The following NLRP9 variants were observed in gnomAD, a reference collection of about 807,000 sequenced individuals.
NLRP9 encodes NACHT, LRR and PYD domains-containing protein 9.
Under a neutral mutation model 83.1 loss-of-function variants are expected in NLRP9, and 88 were observed. That is an observed-to-expected ratio of 1.06 (90% confidence interval 0.89 to 1.26). NLRP9 has a LOEUF of 1.26. Among genes scored for constraint, NLRP9 ranks in the 50% most tolerant of loss-of-function variants. The pLI is 0.00. For missense variants in NLRP9, 1,308 were observed against 1,179.3 expected (o/e 1.11, Z -1.60); for synonymous variants, 521 against 447.6 (o/e 1.16, Z -2.07).
At chr19:55,730,202 C>T (rs932584593) in intron 2 of NLRP9, among the ~76,000 whole-genome samples, 3 of 152,278 alleles carry the variant, frequency 2.0e-5, no homozygotes, top group African/African-American at 7.2e-5. Context: ...GCCTGTAATT[C>T]CAGCACTTTG....
chr19:55,719,383 GC>G (rs1377042531), intron 4 of NLRP9, among the ~76,000 whole-genome samples: 2 of 152,108 alleles, frequency 1.3e-5, no homozygotes, highest in African/African-American at 4.8e-5. Context: ...GAACTCCTGA[GC>G]TCAAGTGATC....
intron 4 of NLRP9, among the ~76,000 whole-genome samples, chr19:55,720,326 CAAT>C (rs1269432097): frequency 6.6e-6 from 1 of 152,028 alleles, no homozygotes; most frequent in African/African-American, 2.4e-5. Flanking sequence ...GGCTTGGAAA[CAAT>C]TATTTTCTTT....
intron 4 of NLRP9, among the ~76,000 whole-genome samples, 198 bp from the exon 5 acceptor site, chr19:55,717,096 C>T (rs911570007): frequency 1.4e-5 from 2 of 145,510 alleles, no homozygotes; most frequent in Non-Finnish European, 3.0e-5. Context: ...TGCAGTGGTG[C>T]GATCTCGGCT....
chr19:55,732,947 A>G lies in NLRP9; in HGVS notation c.884T>C (p.Leu295Pro). The G allele has an allele frequency of 6.2e-7, 1 of 1,614,150 alleles. No individual in the cohort carries two copies. The highest frequency in any genetic ancestry group is 8.5e-7 in the Non-Finnish European group (1 of 1,179,990). Residue 295 changes from leucine (L) to proline (P), a missense_variant, in exon 2 of 9, where the codon CTC (leucine) becomes CCC (proline). Coordinates refer to ENST00000332836, the MANE Select transcript of NLRP9 (RefSeq NM_176820.4). Reference sequence around the variant, plus strand: ...CTTTTCAGATTCACTGAATCCTAAGAGCTTTATGAGTTTTGGATGCCGCAA... The same window carrying G: ...CTTTTCAGATTCACTGAATCCTAAGGGCTTTATGAGTTTTGGATGCCGCAA... ...FMLRHPKLIKLLGFSESEKKS... is the reference protein window; with the variant it reads ...FMLRHPKLIKPLGFSESEKKS...
At chr19:55,726,343 A>AT (rs1409155704) in intron 3 of NLRP9, among the ~76,000 whole-genome samples, 1 of 152,210 alleles carries the variant, frequency 6.6e-6, no homozygotes, top group African/African-American at 2.4e-5. Context: ...TTATGATACC[A>AT]TTTGTTGACT....
chr19:55,729,751 G>A (rs1988515350), intron 3 of NLRP9, 80 bp downstream of exon 3: 2 of 1,136,486 alleles, frequency 1.8e-6, no homozygotes, highest in East Asian at 4.7e-5. Context: ...ATTTATGCAT[G>A]GGTCTTCTTC....
intron 6 of NLRP9, among the ~76,000 whole-genome samples, chr19:55,713,730 CT>C (rs568872616): frequency 0.17 from 103 of 608 alleles, 26 homozygotes; most frequent in Non-Finnish European, 0.32. Flanking sequence ...CTCCCCACCT[CT>C]TCCCCCCTCC....
chr19:55,721,000 AC>A (rs1469135084), intron 4 of NLRP9, among the ~76,000 whole-genome samples: 6 of 152,172 alleles, frequency 3.9e-5, no homozygotes, highest in Admixed American at 3.9e-4. Context: ...AAAGATCAAC[AC>A]CCTTAAGTGT....
intron 1 of NLRP9, among the ~76,000 whole-genome samples, chr19:55,734,013 C>G (rs10406224): frequency 2.6e-4 from 39 of 149,196 alleles, no homozygotes; most frequent in African/African-American, 3.7e-4. Flanking sequence ...AGCTCCGCCT[C>G]CCGGGTTCAC....
intron 1 of NLRP9, among the ~76,000 whole-genome samples, chr19:55,735,454 A>G (rs1198801822): frequency 1.3e-5 from 2 of 152,296 alleles, no homozygotes; most frequent in East Asian, 3.9e-4. Flanking sequence ...ATATGCAGAT[A>G]AAGAGAAAGG....
intron 4 of NLRP9, among the ~76,000 whole-genome samples, chr19:55,719,000 G>C (rs1338129584): frequency 6.6e-6 from 1 of 152,124 alleles, no homozygotes; most frequent in Non-Finnish European, 1.5e-5. Flanking sequence ...GTATCTTTCA[G>C]ATCATTTATT....
chr19:55,725,109 A>G (rs997137816), intron 3 of NLRP9, among the ~76,000 whole-genome samples: 5 of 152,344 alleles, frequency 3.3e-5, no homozygotes, highest in African/African-American at 1.2e-4. Flanking sequence ...TGGTCAATTC[A>G]TGCTGGCTTT....
intron 1 of NLRP9, among the ~76,000 whole-genome samples, chr19:55,736,979 A>G (rs529493733): frequency 6.6e-6 from 1 of 152,348 alleles, no homozygotes; most frequent in South Asian, 2.1e-4. Context: ...CATGAACAAA[A>G]CAGAAGTAAA....
intron 1 of NLRP9, among the ~76,000 whole-genome samples, chr19:55,734,640 T>A (rs909258121): frequency 0.015 from 490 of 31,986 alleles, 2 homozygotes; most frequent in Middle Eastern, 0.081. Flanking sequence ...TATATATATT[T>A]TTTTTTTTTT....
intron 8 of NLRP9, 162 bp downstream of exon 8, chr19:55,711,638 C>T: frequency 1.1e-6 from 1 of 875,352 alleles, no homozygotes. Flanking sequence ...CTTACAATGT[C>T]AATGGTTTTT....
At chr19:55,725,173 G>GT (rs1988361918) in intron 3 of NLRP9, among the ~76,000 whole-genome samples, 5 of 152,108 alleles carry the variant, frequency 3.3e-5, no homozygotes, top group South Asian at 2.1e-4. Context: ...AACCAAATAC[G>GT]TAACTACAAA....
At chr19:55,716,695 A>G (rs1988027013) in intron 5 of NLRP9, 33 bp downstream of exon 5, 2 of 1,593,724 alleles carry the variant, frequency 1.3e-6, no homozygotes, top group South Asian at 2.2e-5. Context: ...CGCTTCAGAA[A>G]TCTCCGAACG....
chr19:55,716,917 CCAT>C lies in NLRP9; in HGVS notation c.2160-22_2160-20del, dbSNP rs752263380. 17 of 1,607,608 alleles carry C rather than the reference CCAT, an allele frequency of 1.1e-5. No homozygotes were observed. In the Admixed American group the frequency reaches 1.8e-4, roughly 17 times the overall value. On this transcript the variant is annotated intron_variant, in intron 4 of 8. Transcript: ENST00000332836. ...TCCCAGTCTACATGTGAAACACACACCATGAGACGGACCAAAGCTTTCAATCGC... is the reference window on the plus strand; with the variant it reads ...TCCCAGTCTACATGTGAAACACACACGAGACGGACCAAAGCTTTCAATCGC...
At chr19:55,711,147 TAG>T (rs1987702726) in intron 8 of NLRP9, among the ~76,000 whole-genome samples, 1 of 152,020 alleles carries the variant, frequency 6.6e-6, no homozygotes, top group Non-Finnish European at 1.5e-5. Context: ...GAACTTTTCT[TAG>T]AGACACTAGC....
Sources: gnomAD v4.1 joint callset for allele counts (sites outside exome capture counted in the v4.1 genomes callset) on GRCh38, gnomAD v4.1.1 for gene constraint, MANE v1.5 for transcripts, NCBI Gene and HGNC (gene_info 2026-07-23, HGNC 2026-07-21) for gene names.